ANK1: variants seen among roughly 807,000 people sequenced by gnomAD.
The protein encoded by ANK1 is ankyrin 1, also known as ankyrin-1.
ANK1 carries 51 observed loss-of-function variants against 210.4 expected under a neutral mutation model. The ratio of observed to expected loss-of-function variants is 0.24; its 90% CI spans 0.19 to 0.31. The LOEUF (loss-of-function observed/expected upper bound fraction) is 0.31, where lower values mean the gene tolerates loss of function less well. Ranked by LOEUF, ANK1 falls within the 10% of genes least tolerant of loss-of-function variation. ANK1 has a pLI of 1.00. For synonymous variants in ANK1, 967 were observed against 1,025.9 expected, an observed-to-expected ratio of 0.94 and a Z score of 1.10; for missense variants, 2,051 against 2,504.4, an observed-to-expected ratio of 0.82 and a Z score of 3.86.
chr8:41,663,284 C>T (rs1809189431), intron 40 of ANK1, among the ~76,000 whole-genome samples: 1 of 152,124 alleles, frequency 6.6e-6, no homozygotes, highest in Admixed American at 6.5e-5. Context: ...CACACCCGGC[C>T]CACATTCTTT....
intron 42 of ANK1, among the ~76,000 whole-genome samples, chr8:41,656,722 G>A (rs2150529775): frequency 6.6e-6 from 1 of 152,346 alleles, no homozygotes; most frequent in South Asian, 2.1e-4. Context: ...AGCTCATTCG[G>A]AGGTGGAGCC....
intron 1 of ANK1, among the ~76,000 whole-genome samples, chr8:41,845,397 A>G (rs1809824839): frequency 6.6e-6 from 1 of 152,028 alleles, no homozygotes; most frequent in Non-Finnish European, 1.5e-5. Flanking sequence ...CCAAAAAAAA[A>G]AAGAAAAAAA....
At chr8:41,797,665 C>G, upstream of ANK1, 1 of 1,446,448 alleles carries the variant, frequency 6.9e-7, no homozygotes, top group Non-Finnish European at 9.2e-7. This position sits in a 1 kb window ranked among gnomAD's most constrained non-coding sequence, Gnocchi z 4.0. Context: ...AGGGCCTTAT[C>G]GGCCCCAGAG....
At chr8:41,671,396 C>A (rs1812233809) in intron 38 of ANK1, among the ~76,000 whole-genome samples, 2 of 152,156 alleles carry the variant, frequency 1.3e-5, no homozygotes, top group South Asian at 2.1e-4. Context: ...TGGCCTTCAA[C>A]CGGAAGCACG....
intron 1 of ANK1, among the ~76,000 whole-genome samples, chr8:41,779,628 A>C (rs559602665): frequency 2.1e-4 from 29 of 139,400 alleles, no homozygotes; most frequent in African/African-American, 6.6e-4. Flanking sequence ...AAAGACAGGA[A>C]TCAATAGCAT....
At position 41,704,723 on chromosome 8, in the gene ANK1, G is replaced by A. The variant is rs141582812; in HGVS notation, c.2098-251C>T. 1.1e-3 allele frequency among the ~76,000 whole-genome samples: 169 copies of A among 152,280 alleles called. 2 individuals carry two copies. In the East Asian group the frequency reaches 0.029, roughly 26 times the overall value. ...GCGAGAAGAGGGCTATGCTGGGGTC[G>A]TCAGTGCATGGGAGATCTGAGAGCT... On this transcript the variant is annotated intron_variant, in intron 18 of 42. Transcript: ENST00000289734. This position sits in a 1 kb window ranked among gnomAD's most constrained non-coding sequence, Gnocchi z 4.1.
upstream of ANK1, among the ~76,000 whole-genome samples, chr8:41,800,993 G>A (rs139478005): frequency 6.4e-3 from 970 of 152,342 alleles, 6 homozygotes; most frequent in African/African-American, 0.021. Context: ...TTATTATGCT[G>A]TGTGAATTCT....
chr8:41,753,211 C>T (rs1838230107), intron 2 of ANK1, among the ~76,000 whole-genome samples: 2 of 152,064 alleles, frequency 1.3e-5, no homozygotes, highest in South Asian at 4.2e-4. Flanking sequence ...ATTACAGGTG[C>T]CTGCCATCAT....
At chr8:41,725,733 A>G in intron 6 of ANK1, 28 bp downstream of exon 6, 1 of 1,600,034 alleles carries the variant, frequency 6.2e-7, no homozygotes, top group Non-Finnish European at 8.5e-7. Flanking sequence ...TCCGCGGCCC[A>G]AGGCTCCTCC....
chr8:41,725,147 GC>G (rs1830352472), intron 6 of ANK1, among the ~76,000 whole-genome samples: 1 of 152,244 alleles, frequency 6.6e-6, no homozygotes, highest in South Asian at 2.1e-4. Context: ...CTGTTCCAGA[GC>G]CTGAAGGCAG....
chr8:41,727,304 C>T lies in ANK1; in HGVS notation c.372G>A (p.Leu124=). 1 of 1,614,132 alleles carries T rather than the reference C, an allele frequency of 6.2e-7. No individual in the cohort carries two copies. ...PLYMAAQENH[L]EVVKFLLENG... is the part of the protein sequence containing the mutation. ...TTTCCAGTAAAAACTTAACCACTTCCAAGTGGTTCTCTTGTGCTGCCATGT... is the reference window on the plus strand; with the variant it reads ...TTTCCAGTAAAAACTTAACCACTTCTAAGTGGTTCTCTTGTGCTGCCATGT... Residue 124 remains leucine (L), a synonymous_variant, in exon 5 of 43, where the codon TTG becomes TTA. Transcript: ENST00000289734.
At chr8:41,870,798 A>G (rs1340147620) in intron 1 of ANK1, among the ~76,000 whole-genome samples, 1 of 152,188 alleles carries the variant, frequency 6.6e-6, no homozygotes, top group Non-Finnish European at 1.5e-5. Flanking sequence ...CACTCTGGCC[A>G]TGGCACCTGG....
chr8:41,816,586 C>G (rs2150786513), intron 1 of ANK1, among the ~76,000 whole-genome samples: 1 of 152,154 alleles, frequency 6.6e-6, no homozygotes, highest in East Asian at 1.9e-4. Context: ...TGCACCACCC[C>G]ACCCAGCTAA....
Position 41,727,965 on chromosome 8 carries a change from C to T in ANK1, c.270G>A (p.Gln90=). The change falls in exon 4 of 43, where the codon CAG becomes CAA. Residue 90 remains glutamine, a synonymous_variant. Coordinates refer to ENST00000289734, the MANE Select transcript of ANK1 (RefSeq NM_000037.4). The stretch of plus-strand genomic sequence containing the variant: ...TGACAAGCTCCCGGACCACCTCATC[C>T]TGCCCGGCTAGAGCAGCGATGTGCA... The part of the protein sequence containing the change: ...TALHIAALAG[Q]DEVVRELVNY... 1 of 1,614,216 alleles carries T rather than the reference C, an allele frequency of 6.2e-7. No homozygotes were observed. Among genetic ancestry groups the T allele is most frequent in the South Asian group, 1.1e-5 (1 of 91,086 alleles).
At chr8:41,876,304 G>T (rs1816597311) in intron 1 of ANK1, among the ~76,000 whole-genome samples, 1 of 152,184 alleles carries the variant, frequency 6.6e-6, no homozygotes, top group Non-Finnish European at 1.5e-5. Context: ...TCCCGGTCGC[G>T]CAGCCCCTCG....
intron 37 of ANK1, among the ~76,000 whole-genome samples, chr8:41,674,149 C>T (rs758136067): frequency 1.3e-5 from 2 of 152,242 alleles, no homozygotes; most frequent in Non-Finnish European, 2.9e-5. Flanking sequence ...AGCCTCCGCT[C>T]GGGGCCTCAG....
chr8:41,686,022 G>A (rs1425074874), intron 36 of ANK1, 130 bp downstream of exon 36: 26 of 1,429,660 alleles, frequency 1.8e-5, no homozygotes, highest in Non-Finnish European at 2.2e-5. Flanking sequence ...CGAGTGGTGC[G>A]TGAGTGTGTG....
chr8:41,666,792 C>G (rs771362802), intron 39 of ANK1, among the ~76,000 whole-genome samples: 6 of 152,218 alleles, frequency 3.9e-5, no homozygotes, highest in Non-Finnish European at 8.8e-5. Flanking sequence ...TGGCCTTGCA[C>G]GTGCATGCTG....
At chr8:41,877,630 G>C (rs1279765944) in intron 1 of ANK1, among the ~76,000 whole-genome samples, 1 of 152,218 alleles carries the variant, frequency 6.6e-6, no homozygotes, top group Non-Finnish European at 1.5e-5. Context: ...GAGAGAGACA[G>C]ACAATAAAAC....
Sources: allele counts gnomAD v4.1 joint callset (sites outside exome capture counted in the v4.1 genomes callset), GRCh38; gene constraint gnomAD v4.1.1; non-coding constraint Gnocchi (gnomAD v3.1); transcripts MANE v1.5; gene names NCBI Gene and HGNC (gene_info 2026-07-23, HGNC 2026-07-21).